The following SRFBP1 variants were observed in gnomAD, a reference collection of about 807,000 sequenced individuals.
SRFBP1 encodes serum response factor binding protein 1, also known as serum response factor-binding protein 1.
In SRFBP1, 47 loss-of-function variants were observed where a neutral mutation model predicts 45.5. The ratio of observed to expected loss-of-function variants is 1.03; its 90% CI spans 0.82 to 1.32. The LOEUF is 1.32. Among genes scored for constraint, SRFBP1 ranks in the 40% most tolerant of loss-of-function variants. SRFBP1 has a pLI of 0.00. For synonymous variants in SRFBP1, 203 were observed against 166.3 expected (o/e 1.22, Z -1.70); for missense variants, 621 against 484.6 (o/e 1.28, Z -2.64).
rs530688620 is a variant in SRFBP1 at position 121,962,104 on chromosome 5, G to T, written c.36+36G>T. 2.5e-6 allele frequency: 4 copies of T among 1,613,344 alleles called. No homozygotes were observed. The African/African-American group carries it at 5.3e-5, about 22-fold the overall frequency. On this transcript the variant is annotated intron_variant, in intron 1 of 7. Transcript: ENST00000339397. ...AGGAACCTATGGGGCTGACTTTAAG[G>T]GTCCTCAAAACCAGCTCTTTTGAGA...
At chr5:122,001,122 A>G (rs535246801) in intron 4 of SRFBP1, among the ~76,000 whole-genome samples, 7 of 152,154 alleles carry the variant, frequency 4.6e-5, no homozygotes, top group South Asian at 2.1e-4. Flanking sequence ...GAGAATCACT[A>G]TTCTCAAAAA....
intron 3 of SRFBP1, among the ~76,000 whole-genome samples, chr5:121,993,959 C>A (rs6877009): frequency 6.6e-6 from 1 of 151,794 alleles, no homozygotes; most frequent in East Asian, 1.9e-4. Context: ...TTGATGGAGC[C>A]TACTGTTACT....
At chr5:121,967,461 A>G (rs1752095961) in intron 1 of SRFBP1, among the ~76,000 whole-genome samples, 1 of 152,202 alleles carries the variant, frequency 6.6e-6, no homozygotes, top group African/African-American at 2.4e-5. Flanking sequence ...ATTTTAAAAA[A>G]TTGTTGCTCA....
chr5:122,020,800 A>G lies in SRFBP1; in HGVS notation c.1065A>G (p.Arg355=), dbSNP rs1404321286. The change falls in exon 6 of 8, where the codon AGA becomes AGG. Residue 355 remains arginine, a splice_region_variant and synonymous_variant. Transcript: ENST00000339397. ...FHSLSGSKSS[R]RNFKEQAPKT... ...CTTTATCTGGATCTAAAAGCTCTAG[A>G]AGGTAAGATTCTTTTTCTATTCTGA... 7.8e-6 allele frequency: 12 copies of G among 1,546,718 alleles called. No individual in the cohort carries two copies. The highest frequency in any genetic ancestry group is 9.5e-6 in the Non-Finnish European group (11 of 1,153,932).
chr5:122,016,979 C>G (rs887893954), intron 4 of SRFBP1, among the ~76,000 whole-genome samples: 24 of 152,044 alleles, frequency 1.6e-4, no homozygotes, highest in African/African-American at 5.8e-4. Context: ...ACCTGTAATC[C>G]CAGCACTTTG....
chr5:121,979,784 G>A lies in SRFBP1; in HGVS notation c.198+4397G>A, dbSNP rs192463320. On this transcript the variant is annotated intron_variant, in intron 3 of 7. Coordinates refer to ENST00000339397, the MANE Select transcript of SRFBP1 (RefSeq NM_152546.3). Reference sequence around the variant, plus strand: ...TTCCAGCCCAGAGTCTCCAAATGAGGAAGTCTGGTTATTACCTCATATCAG... The same window carrying A: ...TTCCAGCCCAGAGTCTCCAAATGAGAAAGTCTGGTTATTACCTCATATCAG... 1.7e-3 allele frequency among the ~76,000 whole-genome samples: 261 copies of A among 152,234 alleles called. 1 individual carries two copies. Among genetic ancestry groups the A allele is most frequent in the South Asian group, 3.5e-3 (17 of 4,824 alleles).
chr5:122,034,177 A>G (rs564814056), intron 2 of SRFBP1, among the ~76,000 whole-genome samples: 7 of 152,304 alleles, frequency 4.6e-5, no homozygotes, highest in Non-Finnish European at 1.0e-4. Context: ...AATAGAGCAT[A>G]TAGTTGGTTC....
At chr5:122,051,455 T>G (rs1753972256) in intron 2 of SRFBP1, among the ~76,000 whole-genome samples, 1 of 152,106 alleles carries the variant, frequency 6.6e-6, no homozygotes, top group Non-Finnish European at 1.5e-5. Context: ...TCCCTATATA[T>G]TTAGGATAGT....
At chr5:122,048,752 C>T (rs1182503367) in intron 2 of SRFBP1, among the ~76,000 whole-genome samples, 3 of 152,150 alleles carry the variant, frequency 2.0e-5, no homozygotes, top group African/African-American at 7.2e-5. Flanking sequence ...AGAGATTCAA[C>T]TTCTTCCTTG....
At chr5:121,966,996 T>C (rs554367965) in intron 1 of SRFBP1, among the ~76,000 whole-genome samples, 630 of 140,936 alleles carry the variant, frequency 4.5e-3, no homozygotes, top group Non-Finnish European at 7.0e-3. Context: ...GGTTTCACCG[T>C]GTTAGCCAGG....
chr5:121,987,276 G>A (rs1752537610), intron 3 of SRFBP1, among the ~76,000 whole-genome samples: 1 of 152,112 alleles, frequency 6.6e-6, no homozygotes, highest in Non-Finnish European at 1.5e-5. Flanking sequence ...ATGTCTCTGA[G>A]CTGTCTAATC....
intron 2 of SRFBP1, among the ~76,000 whole-genome samples, chr5:122,037,099 T>C (rs1356968125): frequency 1.3e-5 from 2 of 152,128 alleles, no homozygotes; most frequent in Admixed American, 6.5e-5. Flanking sequence ...GGTTTCTCTA[T>C]ATTGATCAGG....
chr5:122,064,840 A>G (rs1452308247), intron 2 of SRFBP1: 1 of 152,058 alleles, frequency 6.6e-6, no homozygotes, highest in Non-Finnish European at 1.5e-5. Flanking sequence ...TCTCCTATGT[A>G]TCCATGATGA....
At chr5:122,012,308 A>T (rs934729701) in intron 4 of SRFBP1, among the ~76,000 whole-genome samples, 1 of 152,152 alleles carries the variant, frequency 6.6e-6, no homozygotes, top group African/African-American at 2.4e-5. Context: ...AGAAGCTAAA[A>T]ATATTAAATT....
intron 2 of SRFBP1, among the ~76,000 whole-genome samples, chr5:122,048,339 G>A (rs1468014610): frequency 6.6e-6 from 1 of 152,096 alleles, no homozygotes; most frequent in East Asian, 1.9e-4. Context: ...TTATATGCTG[G>A]ATTCCGTTTA....
intron 2 of SRFBP1, among the ~76,000 whole-genome samples, chr5:122,069,192 T>C (rs1016139164): frequency 1.3e-5 from 2 of 152,152 alleles, no homozygotes; most frequent in African/African-American, 4.8e-5. Flanking sequence ...GAGATTCTAG[T>C]ATAGCTCTGC....
At chr5:121,995,689 A>G (rs1269813383) in intron 4 of SRFBP1, among the ~76,000 whole-genome samples, 1 of 152,196 alleles carries the variant, frequency 6.6e-6, no homozygotes, top group African/African-American at 2.4e-5. Flanking sequence ...AAATAGAGAC[A>G]CAAAAAACCC....
At chr5:122,005,589 G>GT (rs1244597978) in intron 4 of SRFBP1, among the ~76,000 whole-genome samples, 2 of 151,758 alleles carry the variant, frequency 1.3e-5, no homozygotes, top group African/African-American at 4.8e-5. Context: ...TTTGTTTTTT[G>GT]TTTTTTAAAT....
intron 4 of SRFBP1, among the ~76,000 whole-genome samples, chr5:122,012,938 T>A (rs113816247): frequency 7.5e-4 from 114 of 152,220 alleles, no homozygotes; most frequent in African/African-American, 2.6e-3. Context: ...AGGTTTAAAT[T>A]TCTAGGAGTT....
Sources: allele counts gnomAD v4.1 joint callset (sites outside exome capture counted in the v4.1 genomes callset), GRCh38; gene constraint gnomAD v4.1.1; transcripts MANE v1.5; gene names NCBI Gene and HGNC (gene_info 2026-07-23, HGNC 2026-07-21).